Variants in CSMD1 observed in about 807,000 individuals in gnomAD.
CSMD1 encodes the protein CUB and Sushi multiple domains 1, also known as CUB and sushi domain-containing protein 1.
Under a neutral mutation model 417.5 loss-of-function variants are expected in CSMD1, and 213 were observed. The observed-to-expected ratio is 0.51, with a 90% CI of 0.46 to 0.57. CSMD1 has a LOEUF of 0.57. CSMD1 is among the 20% of genes least tolerant of loss of function. The probability of loss-of-function intolerance (pLI) is 0.00; values close to 1 mark genes in which losing one functional copy is unlikely to be tolerated. For missense variants in CSMD1, 6,923 were observed against 4,529.7 expected (o/e 1.53, Z -15.17); for synonymous variants, 2,862 against 1,736.8 (o/e 1.65, Z -16.11).
chr8:4,632,234 T>C (rs77700475), intron 2 of CSMD1, among the ~76,000 whole-genome samples: 373 of 152,220 alleles, frequency 2.5e-3, no homozygotes, highest in African/African-American at 8.4e-3. Context: ...CGAACACTTA[T>C]TGACGATGTG....
intron 21 of CSMD1, among the ~76,000 whole-genome samples, chr8:3,353,794 T>G (rs1369636825): frequency 6.6e-6 from 1 of 152,328 alleles, no homozygotes; most frequent in East Asian, 1.9e-4. Context: ...CACTTGCTGT[T>G]TTATAAAAAA....
At chr8:4,794,972 G>A (rs777570428) in intron 1 of CSMD1, among the ~76,000 whole-genome samples, 36 of 148,756 alleles carry the variant, frequency 2.4e-4, no homozygotes, top group Non-Finnish European at 1.9e-4. Flanking sequence ...AGTAAAGCCA[G>A]AGAAGAGAAA....
intron 5 of CSMD1, among the ~76,000 whole-genome samples, chr8:3,915,395 G>C (rs1374555023): frequency 8.2e-5 from 9 of 109,702 alleles, no homozygotes; most frequent in Admixed American, 3.5e-4. Flanking sequence ...GTCACAGTAA[G>C]ACTCTGTCTC....
intron 3 of CSMD1, among the ~76,000 whole-genome samples, chr8:4,146,825 T>C (rs905168125): frequency 1.3e-5 from 2 of 149,570 alleles, no homozygotes; most frequent in Admixed American, 6.6e-5. Context: ...TTAGGCAGGA[T>C]AGTCTCGATC....
At chr8:4,220,439 T>A (rs1379406337) in intron 3 of CSMD1, among the ~76,000 whole-genome samples, 1 of 152,210 alleles carries the variant, frequency 6.6e-6, no homozygotes, top group African/African-American at 2.4e-5. Flanking sequence ...GGGATGGCAT[T>A]AGAGGTCAGG....
chr8:3,677,348 C>G (rs1034566841), intron 7 of CSMD1, among the ~76,000 whole-genome samples: 1 of 152,098 alleles, frequency 6.6e-6, no homozygotes, highest in Admixed American at 6.6e-5. Context: ...AAAAGTAATT[C>G]TTGAATAAAT....
intron 2 of CSMD1, among the ~76,000 whole-genome samples, chr8:4,462,144 G>C (rs1033607024): frequency 6.6e-6 from 1 of 151,922 alleles, no homozygotes; most frequent in Non-Finnish European, 1.5e-5. Flanking sequence ...CAAAGTGCTG[G>C]GATTACAGGT....
rs535239997 is a variant in CSMD1 at position 3,274,738 on chromosome 8, C to G, written c.4153+9406G>C. Among the ~76,000 whole-genome samples, 132 of 152,236 alleles carry G rather than the reference C, an allele frequency of 8.7e-4. 2 individuals carry two copies. In the South Asian group the frequency reaches 0.026, roughly 30 times the overall value. On this transcript the variant is annotated intron_variant, in intron 26 of 69. Transcript: ENST00000635120. ...GGTTTAAAGTCTGTTTTATGAGAGA[C>G]TAGGATTGCAACCCCTGCCTTTTTT...
At chr8:4,024,284 T>G (rs1372715102) in intron 4 of CSMD1, among the ~76,000 whole-genome samples, 2 of 152,108 alleles carry the variant, frequency 1.3e-5, no homozygotes, top group Non-Finnish European at 2.9e-5. Context: ...GGATAAAGCA[T>G]GAAGAATAAT....
chr8:4,019,537 C>G (rs988189838), intron 4 of CSMD1, among the ~76,000 whole-genome samples: 3 of 152,170 alleles, frequency 2.0e-5, no homozygotes, highest in Non-Finnish European at 4.4e-5. Flanking sequence ...GAGACATTCC[C>G]CATTCCCTCT....
intron 23 of CSMD1, among the ~76,000 whole-genome samples, chr8:3,335,090 G>C (rs1247745985): frequency 6.6e-6 from 1 of 152,178 alleles, no homozygotes; most frequent in Non-Finnish European, 1.5e-5. Context: ...ATGAAACCGA[G>C]AGGAGCCCAG....
At chr8:3,253,355 T>A (rs1270778637) in intron 26 of CSMD1, among the ~76,000 whole-genome samples, 5 of 152,128 alleles carry the variant, frequency 3.3e-5, no homozygotes, top group African/African-American at 7.2e-5. Context: ...GAGTTTCTTA[T>A]TTCTGAGTTC....
intron 5 of CSMD1, among the ~76,000 whole-genome samples, chr8:3,955,258 C>G (rs1427559484): frequency 1.3e-5 from 2 of 152,128 alleles, no homozygotes; most frequent in Non-Finnish European, 2.9e-5. Context: ...CCGGCAATGC[C>G]AACCAACATG....
rs373573777 is a variant in CSMD1 at position 4,437,837 on chromosome 8, T to C, written c.303-17772A>G. Among the ~76,000 whole-genome samples, 31 of 152,302 alleles carry C rather than the reference T, an allele frequency of 2.0e-4. 1 individual carries two copies. The highest frequency in any genetic ancestry group is 6.5e-4 in the African/African-American group (27 of 41,578). On this transcript the variant is annotated intron_variant, in intron 2 of 69. Transcript: ENST00000635120. ...GTTGATGGGCTTGTCTGTAAAACTG[T>C]GCAGGTCTGCCCCTAGTTCACCTGC...
intron 41 of CSMD1, among the ~76,000 whole-genome samples, chr8:3,140,151 G>C (rs1045797849): frequency 1.3e-5 from 2 of 152,092 alleles, no homozygotes; most frequent in Non-Finnish European, 2.9e-5. Context: ...TGATCAGCCC[G>C]CCTCTGCATC....
intron 1 of CSMD1, among the ~76,000 whole-genome samples, chr8:4,797,676 G>A (rs1324245608): frequency 1.3e-5 from 2 of 152,150 alleles, no homozygotes; most frequent in Admixed American, 1.3e-4. Context: ...AAGCTAATAG[G>A]AATGCTTTCC....
intron 50 of CSMD1, among the ~76,000 whole-genome samples, chr8:3,033,996 C>T (rs945280609): frequency 2.0e-5 from 3 of 152,172 alleles, no homozygotes; most frequent in South Asian, 2.1e-4. Context: ...ACCCCCTAGT[C>T]GGGCAGGTGC....
chr8:3,241,424 G>C (rs1316824687), intron 26 of CSMD1, among the ~76,000 whole-genome samples: 1 of 152,150 alleles, frequency 6.6e-6, no homozygotes, highest in East Asian at 1.9e-4. Flanking sequence ...GTTACCTAAA[G>C]CTCGGCATCT....
At chr8:3,955,018 C>T (rs1016560466) in intron 5 of CSMD1, among the ~76,000 whole-genome samples, 3 of 152,188 alleles carry the variant, frequency 2.0e-5, no homozygotes, top group African/African-American at 7.2e-5. Context: ...AATGGCCTCT[C>T]CTTTGCACTG....
Sources: allele counts gnomAD v4.1 joint callset (sites outside exome capture counted in the v4.1 genomes callset), GRCh38; gene constraint gnomAD v4.1.1; transcripts MANE v1.5; gene names NCBI Gene and HGNC (gene_info 2026-07-23, HGNC 2026-07-21).